The following PXN variants were observed in gnomAD, a reference collection of about 807,000 sequenced individuals.
PXN encodes the protein paxillin.
Under a neutral mutation model 103.6 loss-of-function variants are expected in PXN, and 61 were observed. That is an observed-to-expected ratio of 0.59 (90% CI 0.48 to 0.73). The LOEUF (loss-of-function observed/expected upper bound fraction) is 0.73, where lower values mean the gene tolerates loss of function less well. PXN is among the 30% of genes least tolerant of loss of function. The pLI, the probability that PXN is intolerant of heterozygous loss-of-function variation, is 0.00. For missense variants in PXN, 1,274 were observed against 1,460.3 expected, an observed-to-expected ratio of 0.87 and a Z score of 2.08; for synonymous variants, 562 against 607.8, an observed-to-expected ratio of 0.92 and a Z score of 1.11.
intron 1 of PXN, among the ~76,000 whole-genome samples, chr12:120,247,995 C>T (rs1416273644): frequency 6.6e-6 from 1 of 152,076 alleles, no homozygotes; most frequent in African/African-American, 2.4e-5. Context: ...AACAACAGAG[C>T]TCTAAAGTAG....
In PXN at chr12:120,221,192, C is replaced by T. The variant is rs560864106; in HGVS notation, c.831+431G>A. ...AAGAGGATGTGTTGAGGACAGCTAG[C>T]GTGGGAGATGGGGCTCCAGGGCAAA... is the stretch of plus-strand genomic sequence containing the variant. On this transcript the variant is annotated intron_variant, in intron 6 of 14. Transcript: ENST00000637617. This position sits in a 1 kb window ranked among gnomAD's most constrained non-coding sequence, Gnocchi z 6.6. 6.6e-6 allele frequency among the ~76,000 whole-genome samples: 1 copy of T among 152,212 alleles called. No individual in the cohort carries two copies. Among genetic ancestry groups the T allele is most frequent in the African/African-American group, 2.4e-5 (1 of 41,534 alleles).
intron 1 of PXN, among the ~76,000 whole-genome samples, chr12:120,240,500 G>A (rs1310269662): frequency 6.6e-6 from 1 of 152,156 alleles, no homozygotes; most frequent in South Asian, 2.1e-4. Flanking sequence ...AAGCTGAGAG[G>A]CTTTGCAGGA....
At chr12:120,247,297 C>CA (rs773760735) in intron 1 of PXN, among the ~76,000 whole-genome samples, 2 of 152,078 alleles carry the variant, frequency 1.3e-5, no homozygotes, top group Non-Finnish European at 2.9e-5. Context: ...AAAGATATAC[C>CA]ATGCAAACAC....
chr12:120,233,154 C>G (rs986397278), intron 1 of PXN, among the ~76,000 whole-genome samples: 14 of 152,200 alleles, frequency 9.2e-5, no homozygotes, highest in African/African-American at 3.4e-4. Context: ...CAATCTAACG[C>G]TTCCTGCACA....
At position 120,215,617 on chromosome 12, in the gene PXN, C is replaced by G. The variant is rs371029622; in HGVS notation, c.2346G>C (p.Ala782=). 1.9e-6 allele frequency: 3 copies of G among 1,611,344 alleles called. No homozygotes were observed. The highest frequency in any genetic ancestry group is 1.7e-5 in the Admixed American group (1 of 59,768). ...EQRADGERCW[A]AGWPRDGGRS... is the part of the protein sequence containing the mutation. ...GCCCGCCGTCCCGAGGCCAGCCGGC[C>G]GCCCAGCACCGCTCCCCATCCGCTC... The change falls in exon 10 of 15, where the codon GCG becomes GCC. Residue 782 remains alanine, a synonymous_variant. Transcript: ENST00000637617. The surrounding 1 kb of genome is among the most constrained non-coding windows in gnomAD (Gnocchi z 4.9).
chr12:120,214,985 A>G lies in PXN; in HGVS notation c.2588T>C (p.Met863Thr), dbSNP rs748726664. The G allele has an allele frequency of 6.2e-7, 1 of 1,613,562 alleles. No individual in the cohort carries two copies. Among genetic ancestry groups the G allele is most frequent in the Admixed American group, 1.7e-5 (1 of 59,928 alleles). ...KPIAGQVVTA[M>T]GKTWHPEHFV... ...GTGCTCGGGGTGCCACGTCTTCCCC[A>G]TGGCGGTCACAACCTGAGGAGGAGA... The change falls in exon 12 of 15, where the codon ATG (methionine) becomes ACG (threonine). Residue 863 changes from methionine (M) to threonine (T), a missense_variant. Physicochemically the swap from Met to Thr is moderately conservative, Grantham distance 81 (BLOSUM62 -1). Around this residue, in one of 2 missense-constraint regions of PXN, gnomAD observed 1,178 missense variants for 1,309.0 expected, o/e 0.90. Transcript: ENST00000637617. This position sits in a 1 kb window ranked among gnomAD's most constrained non-coding sequence, Gnocchi z 5.0.
At position 120,220,878 on chromosome 12, in the gene PXN, A is replaced by G. The variant is rs1357286520; in HGVS notation, c.831+745T>C. The stretch of plus-strand genomic sequence containing the variant: ...TCTCATATTCCCTAGGTCATGCCCC[A>G]AAGGTCTCCAGCTGACCCACGTGGA... On this transcript the variant is annotated intron_variant, in intron 6 of 14. Transcript: ENST00000637617. This position sits in a 1 kb window ranked among gnomAD's most constrained non-coding sequence, Gnocchi z 6.1. Among the ~76,000 whole-genome samples, 3 of 152,160 alleles carry G rather than the reference A, an allele frequency of 2.0e-5. No homozygotes were observed. The highest frequency in any genetic ancestry group is 4.8e-5 in the African/African-American group (2 of 41,438).
intron 1 of PXN, among the ~76,000 whole-genome samples, chr12:120,239,424 T>G (rs1889748352): frequency 6.6e-6 from 1 of 151,726 alleles, no homozygotes; most frequent in African/African-American, 2.4e-5. Flanking sequence ...CTACTGAAAA[T>G]ACAAAAAATT....
intron 1 of PXN, among the ~76,000 whole-genome samples, chr12:120,245,514 A>G (rs1209490852): frequency 6.6e-6 from 1 of 151,982 alleles, no homozygotes; most frequent in Non-Finnish European, 1.5e-5. Flanking sequence ...GCGGCCGGGC[A>G]CAGTGGCTCA....
At chr12:120,240,412 T>C (rs1258767220) in intron 1 of PXN, among the ~76,000 whole-genome samples, 1 of 152,022 alleles carries the variant, frequency 6.6e-6, no homozygotes, top group Non-Finnish European at 1.5e-5. Context: ...GTAGTCTGAC[T>C]CTCCCACAGT....
At position 120,215,119 on chromosome 12, in the gene PXN, T is replaced by C. The variant is rs1882262517; in HGVS notation, c.2558A>G (p.Lys853Arg). Residue 853 changes from lysine (K) to arginine (R), a missense_variant, in exon 11 of 15, where the codon AAG (lysine) becomes AGG (arginine). Physicochemically the swap from Lys to Arg is conservative, Grantham distance 26. This residue lies in a region of PXN where 1,178 missense variants were observed against 1,309.0 expected (regional missense o/e 0.90). Transcript: ENST00000637617. The surrounding 1 kb of genome is among the most constrained non-coding windows in gnomAD (Gnocchi z 4.9). ...VAKGVCGACK[K>R]PIAGQVVTAM... ...CCTCATCACCTGCCCGGCGATGGGC[T>C]TCTTGCAGGCCCCGCAGACTCCTTT... 6.3e-7 allele frequency: 1 copy of C among 1,576,692 alleles called. No homozygotes were observed. The highest frequency in any genetic ancestry group is 8.6e-7 in the Non-Finnish European group (1 of 1,158,954).
chr12:120,245,705 G>A (rs1241145804), intron 1 of PXN, among the ~76,000 whole-genome samples: 5 of 149,986 alleles, frequency 3.3e-5, no homozygotes, highest in South Asian at 2.1e-4. Context: ...GGAGAATGGC[G>A]TGAACCCAGG....
rs369699628 is a variant in PXN, at chr12:120,212,539, G to A, written c.3021C>T (p.His1007=). The A allele has an allele frequency of 1.9e-5, 31 of 1,613,412 alleles. No individual in the cohort carries two copies. In the East Asian group the frequency reaches 2.7e-4, roughly 14 times the overall value. The change falls in exon 15 of 15, where the codon CAC becomes CAT. Residue 1007 remains histidine (H), a synonymous_variant. Transcript: ENST00000637617. This position sits in a 1 kb window ranked among gnomAD's most constrained non-coding sequence, Gnocchi z 7.2. ...GCACCTCACAGTAGGGCTGCCCGTC[G>A]TGCTCGAAGAAGCTGCCGTTCACGA... ...TPFVNGSFFE[H]DGQPYCEVHY...
intron 1 of PXN, among the ~76,000 whole-genome samples, chr12:120,237,759 G>C (rs1889370379): frequency 6.6e-6 from 1 of 152,130 alleles, no homozygotes; most frequent in Non-Finnish European, 1.5e-5. Flanking sequence ...CTGATTTCAG[G>C]GCTCTAGGAA....
intron 1 of PXN, among the ~76,000 whole-genome samples, chr12:120,239,917 A>G (rs1889849267): frequency 6.7e-6 from 1 of 150,328 alleles, no homozygotes; most frequent in Admixed American, 6.6e-5. Context: ...ACAACATGAA[A>G]TCTAGCTCCC....
chr12:120,237,582 A>C (rs1296810975), intron 1 of PXN, among the ~76,000 whole-genome samples: 1 of 152,096 alleles, frequency 6.6e-6, no homozygotes, highest in Non-Finnish European at 1.5e-5. Flanking sequence ...TGAAACCACT[A>C]TCATAGATGG....
intron 1 of PXN, among the ~76,000 whole-genome samples, chr12:120,239,282 A>G (rs1021109757): frequency 2.6e-5 from 4 of 152,098 alleles, no homozygotes; most frequent in African/African-American, 9.7e-5. Context: ...CCCTGTCTCC[A>G]CTAAAAATAC....
In PXN at chr12:120,219,435, T is replaced by C; in HGVS notation, c.1488A>G (p.Pro496=). ...GLQQERPRPE[P]GRLGSSSPAS... ...CAGGGGAGCTGCTTCCCAGCCTCCC[T>C]GGCTCTGGCCTTGGCCTCTCCTGCT... The change falls in exon 7 of 15, where the codon CCA becomes CCG. Residue 496 remains proline, a synonymous_variant. Transcript: ENST00000637617. The surrounding 1 kb of genome is among the most constrained non-coding windows in gnomAD (Gnocchi z 6.5). The C allele has an allele frequency of 6.3e-7, 1 of 1,598,192 alleles. No homozygotes were observed. Among genetic ancestry groups the C allele is most frequent in the Non-Finnish European group, 8.5e-7 (1 of 1,179,578 alleles).
chr12:120,254,095 T>C (rs1594520876), intron 1 of PXN, among the ~76,000 whole-genome samples: 1 of 152,104 alleles, frequency 6.6e-6, no homozygotes, highest in African/African-American at 2.4e-5. Flanking sequence ...GCCAGGCTGG[T>C]CTCGAACTCC....
Sources: allele counts gnomAD v4.1 joint callset (sites outside exome capture counted in the v4.1 genomes callset), GRCh38; gene constraint gnomAD v4.1.1; regional missense constraint gnomAD v4.1.1; non-coding constraint Gnocchi (gnomAD v3.1); transcripts MANE v1.5; gene names NCBI Gene and HGNC (gene_info 2026-07-23, HGNC 2026-07-21).